The following MDFIC2 variants were observed in gnomAD, a reference collection of about 807,000 sequenced individuals.
MDFIC2 encodes the protein myoD family inhibitor domain-containing protein 2.
intron 2 of MDFIC2, among the ~76,000 whole-genome samples, chr3:70,307,454 G>A (rs556045814): frequency 1.3e-5 from 2 of 152,138 alleles, no homozygotes; most frequent in East Asian, 3.9e-4. Flanking sequence ...TACCCAGAAT[G>A]CTCCTTGGCT....
intron 2 of MDFIC2, among the ~76,000 whole-genome samples, chr3:70,247,532 T>G (rs1478362934): frequency 6.6e-6 from 1 of 151,788 alleles, no homozygotes; most frequent in Non-Finnish European, 1.5e-5. Context: ...ATATAGGATT[T>G]TTCTATATTA....
chr3:70,203,482 C>T (rs890063051), intron 3 of MDFIC2, among the ~76,000 whole-genome samples: 1 of 152,100 alleles, frequency 6.6e-6, no homozygotes, highest in East Asian at 1.9e-4. Flanking sequence ...TAAGTTCAGA[C>T]AAGCACAACT....
intron 2 of MDFIC2, among the ~76,000 whole-genome samples, chr3:70,235,196 CA>C (rs1364897160): frequency 6.6e-6 from 1 of 152,168 alleles, no homozygotes; most frequent in Non-Finnish European, 1.5e-5. Context: ...TTACCATCCA[CA>C]AAAGATGTGT....
At chr3:70,288,519 A>G (rs571670515) in intron 2 of MDFIC2, among the ~76,000 whole-genome samples, 24 of 150,716 alleles carry the variant, frequency 1.6e-4, no homozygotes, top group African/African-American at 4.9e-4. Context: ...GTGGTGCTGA[A>G]AAAAATGTAT....
chr3:70,289,350 T>C (rs1201440702), intron 2 of MDFIC2, among the ~76,000 whole-genome samples: 18 of 151,470 alleles, frequency 1.2e-4, no homozygotes, highest in Admixed American at 1.1e-3. Flanking sequence ...AAATTCTGGG[T>C]TGAAAATTCT....
In MDFIC2 at chr3:70,264,452, A is replaced by G. The variant is rs371498005; in HGVS notation, c.88+47434T>C. Among the ~76,000 whole-genome samples, 14 of 152,356 alleles carry G rather than the reference A, an allele frequency of 9.2e-5. No individual in the cohort carries two copies. The South Asian group carries it at 2.9e-3, about 32-fold the overall frequency. ...ACTGAATATCGGCTTGCTAATTAAC[A>G]GATCACAAGGATCAATGTGCCTGAG... On this transcript the variant is annotated intron_variant, in intron 2 of 3. Transcript: ENST00000567252.
At chr3:70,292,332 G>C (rs548033406) in intron 2 of MDFIC2, among the ~76,000 whole-genome samples, 1 of 152,202 alleles carries the variant, frequency 6.6e-6, no homozygotes, top group African/African-American at 2.4e-5. Flanking sequence ...TGGAGTCTCT[G>C]AGAGCCATTA....
intron 2 of MDFIC2, among the ~76,000 whole-genome samples, chr3:70,294,374 T>C (rs1215467440): frequency 1.3e-5 from 2 of 152,148 alleles, no homozygotes; most frequent in Non-Finnish European, 2.9e-5. Context: ...ATTTAACACA[T>C]ATTTATAAGC....
chr3:70,234,679 T>C (rs892647307), intron 2 of MDFIC2, among the ~76,000 whole-genome samples: 2 of 152,032 alleles, frequency 1.3e-5, no homozygotes, highest in Non-Finnish European at 2.9e-5. Context: ...AATAGAGCTA[T>C]GGTCACAAGT....
rs113380004 is a variant in MDFIC2 at position 70,231,977 on chromosome 3, A to G, written c.89-25187T>C. The stretch of plus-strand genomic sequence containing the variant: ...CAGTTGTTCAGTGTTGGGAGCCCCC[A>G]AAGCGTTATTGTCTGCTCCTTCCAC... On this transcript the variant is annotated intron_variant, in intron 2 of 3. Transcript: ENST00000567252. 5.6e-3 allele frequency among the ~76,000 whole-genome samples: 858 copies of G among 152,242 alleles called. 8 individuals are homozygous for G. Among genetic ancestry groups the G allele is most frequent in the African/African-American group, 0.02 (824 of 41,554 alleles).
chr3:70,195,189 T>C lies in MDFIC2; in HGVS notation c.*1737A>G, dbSNP rs1218263708. Among the ~76,000 whole-genome samples the C allele has an allele frequency of 1.3e-5, 2 of 152,236 alleles. No homozygotes were observed. The highest frequency in any genetic ancestry group is 4.8e-5 in the African/African-American group (2 of 41,470). On this transcript the variant is annotated 3_prime_UTR_variant, in exon 4 of 4. Coordinates refer to ENST00000567252, the MANE Select transcript of MDFIC2 (RefSeq NM_001364677.1). ...AAAAGGTTGCATAAGAACAGCCTTA[T>C]GTTCCCTTCCTGTTCTAGGAATCTA...
At chr3:70,221,735 G>T (rs1701462221) in intron 2 of MDFIC2, among the ~76,000 whole-genome samples, 1 of 152,162 alleles carries the variant, frequency 6.6e-6, no homozygotes, top group African/African-American at 2.4e-5. Flanking sequence ...TGGATGATAA[G>T]GAAATTTGGC....
At chr3:70,289,068 T>C (rs1422539191) in intron 2 of MDFIC2, among the ~76,000 whole-genome samples, 1 of 152,182 alleles carries the variant, frequency 6.6e-6, no homozygotes, top group African/African-American at 2.4e-5. Flanking sequence ...CATTTAAAGT[T>C]AATAGTGTTA....
intron 2 of MDFIC2, among the ~76,000 whole-genome samples, chr3:70,224,802 T>C (rs1334071251): frequency 2.0e-5 from 3 of 152,026 alleles, no homozygotes; most frequent in African/African-American, 4.8e-5. Context: ...CAGTTGATAA[T>C]ATCACTGTAA....
At chr3:70,199,155 G>A (rs750999593) in intron 3 of MDFIC2, among the ~76,000 whole-genome samples, 17 of 152,120 alleles carry the variant, frequency 1.1e-4, no homozygotes, top group Admixed American at 5.2e-4. Flanking sequence ...TACATGCAAG[G>A]TTAAAAGTTT....
chr3:70,239,844 A>G (rs1179508289), intron 2 of MDFIC2, among the ~76,000 whole-genome samples: 1 of 152,128 alleles, frequency 6.6e-6, no homozygotes, highest in Non-Finnish European at 1.5e-5. Context: ...CGTCTGGCAG[A>G]TAGATCATCA....
At chr3:70,305,473 C>G (rs559917887) in intron 2 of MDFIC2, among the ~76,000 whole-genome samples, 1 of 151,912 alleles carries the variant, frequency 6.6e-6, no homozygotes, top group African/African-American at 2.4e-5. Flanking sequence ...AAAAATATCC[C>G]GTTTAGAAAT....
intron 2 of MDFIC2, among the ~76,000 whole-genome samples, chr3:70,274,194 G>C (rs1702000808): frequency 6.6e-6 from 1 of 151,712 alleles, no homozygotes; most frequent in South Asian, 2.1e-4. Context: ...GGGGATGTGA[G>C]TGTTTGTGTG....
rs116607125 is a variant in MDFIC2 at position 70,203,202 on chromosome 3, C to A, written c.310+3367G>T. Among the ~76,000 whole-genome samples, 879 of 152,198 alleles carry A rather than the reference C, an allele frequency of 5.8e-3. 12 individuals carry two copies. Among genetic ancestry groups the A allele is most frequent in the African/African-American group, 0.02 (824 of 41,534 alleles). ...GAAAAAGAAAAGAGCCAGCATGATACCAGCCCCAAGCCAGTATTTTAATAC... is the reference window on the plus strand; with the variant it reads ...GAAAAAGAAAAGAGCCAGCATGATAACAGCCCCAAGCCAGTATTTTAATAC... On this transcript the variant is annotated intron_variant, in intron 3 of 3. Coordinates refer to ENST00000567252, the MANE Select transcript of MDFIC2 (RefSeq NM_001364677.1).
Sources: gnomAD v4.1 joint callset for allele counts (sites outside exome capture counted in the v4.1 genomes callset) on GRCh38, gnomAD v4.1.1 for gene constraint, MANE v1.5 for transcripts, NCBI Gene and HGNC (gene_info 2026-07-23, HGNC 2026-07-21) for gene names.